Variants in BAG6 observed in about 807,000 individuals in gnomAD.
BAG6 encodes large proline-rich protein BAG6.
In BAG6, 22 loss-of-function variants were observed where a neutral mutation model predicts 121.0. The observed-to-expected ratio is 0.18, with a 90% confidence interval of 0.13 to 0.26. The LOEUF is 0.26. Ranked by LOEUF, BAG6 falls within the 10% of genes least tolerant of loss-of-function variation. BAG6 has a pLI of 1.00. For synonymous variants in BAG6, 583 were observed against 584.6 expected, an observed-to-expected ratio of 1.00 and a Z score of 0.04; for missense variants, 1,233 against 1,537.7, an observed-to-expected ratio of 0.80 and a Z score of 3.31.
At position 31,649,603 on chromosome 6, in the gene BAG6, G is replaced by A. The variant is rs142063948; in HGVS notation, c.133C>T (p.His45Tyr). 4.3e-6 allele frequency: 7 copies of A among 1,613,932 alleles called. No individual in the cohort carries two copies. In the African/African-American group the frequency reaches 6.7e-5, roughly 15 times the overall value. ...AQMNVKEFKE[H>Y]IAASVSIPSE... ...GGGATGCTGACAGAGGCAGCAATGTGCTCCTTAAACTCTTTTACATTCATC... is the reference window on the plus strand; with the variant it reads ...GGGATGCTGACAGAGGCAGCAATGTACTCCTTAAACTCTTTTACATTCATC... Residue 45 changes from histidine to tyrosine, a missense_variant, in exon 3 of 26, where the codon CAC becomes TAC. His to Tyr is a moderately conservative substitution (Grantham distance 83). Coordinates refer to ENST00000676615, the MANE Select transcript of BAG6 (RefSeq NM_001387994.1).
rs745997562 is a variant in BAG6, at chr6:31,640,992, T to C, written c.2788-54A>G. The C allele has an allele frequency of 3.7e-6, 6 of 1,602,514 alleles. No homozygotes were observed. The highest frequency in any genetic ancestry group is 1.3e-5 in the African/African-American group (1 of 74,380). On this transcript the variant is annotated intron_variant, in intron 20 of 25. Transcript: ENST00000676615. This position sits in a 1 kb window ranked among gnomAD's most constrained non-coding sequence, Gnocchi z 4.2. ...CAAAACCCTCAACCACCTTTAGAAA[T>C]AGATTAGATCCAGGTTACAGAATGT...
At chr6:31,642,802 G>A (rs1470503810) in intron 15 of BAG6, 27 bp downstream of exon 15, 10 of 1,605,606 alleles carry the variant, frequency 6.2e-6, no homozygotes, top group Non-Finnish European at 8.5e-6. Context: ...ACAGGAAGAT[G>A]AGGTGAATGG....
At chr6:31,645,236 T>C (rs756457450) in intron 9 of BAG6, 38 bp from the exon 10 acceptor site, 23 of 1,600,150 alleles carry the variant, frequency 1.4e-5, no homozygotes, top group Non-Finnish European at 2.0e-5. Context: ...GTGAGAAAAA[T>C]ACAAGAGCCT....
At chr6:31,645,710 T>G in intron 8 of BAG6, 106 bp from the exon 9 acceptor site, 1 of 1,371,778 alleles carries the variant, frequency 7.3e-7, no homozygotes, top group Non-Finnish European at 1.0e-6. Context: ...CCTCCAAAAC[T>G]TTCAGTTATA....
At chr6:31,639,318 T>G (rs907083755) in intron 25 of BAG6, 92 bp from the exon 26 acceptor site, 13 of 1,461,522 alleles carry the variant, frequency 8.9e-6, no homozygotes, top group Non-Finnish European at 1.2e-5. Context: ...AAGCTAACAT[T>G]TCCCCCCCCA....
Position 31,642,630 on chromosome 6 carries a change from TTAC to T in BAG6, c.2043+196_2043+198del, listed in dbSNP as rs1265705310. 7 of 716,136 alleles carry T rather than the reference TTAC, an allele frequency of 9.8e-6. No individual in the cohort carries two copies. In the African/African-American group the frequency reaches 1.1e-4, roughly 11 times the overall value. The allele number at this position is 716,136 out of a possible 1,614,324, so 44.4% of individuals were successfully genotyped here. ...GGCTGTCAGAAAGCAGTGACACTAA[TTAC>T]TATACTTTCTTTTTCTAAACCTCAT... On this transcript the variant is annotated intron_variant, in intron 15 of 25. Coordinates refer to ENST00000676615, the MANE Select transcript of BAG6 (RefSeq NM_001387994.1).
At position 31,644,983 on chromosome 6, in the gene BAG6, A is replaced by C; in HGVS notation, c.1332T>G (p.Ser444Arg). 3.7e-6 allele frequency: 6 copies of C among 1,603,548 alleles called. No individual in the cohort carries two copies. The highest frequency in any genetic ancestry group is 5.1e-6 in the Non-Finnish European group (6 of 1,174,608). The change falls in exon 10 of 26, where the codon AGT (serine) becomes AGG (arginine). Residue 444 changes from serine to arginine, a missense_variant. Physicochemically the swap from Ser to Arg is moderately radical, Grantham distance 110. Transcript: ENST00000676615. This position sits in a 1 kb window ranked among gnomAD's most constrained non-coding sequence, Gnocchi z 4.9. ...HPRVIRISHQ[S>R]VEPVVMMHMN... is the part of the protein sequence containing the mutation. ...TGTGCATCATGACCACGGGTTCCAC[A>C]CTCTGGTGGGAAATCCGGATGACCC...
Position 31,644,682 on chromosome 6 carries a change from T to C in BAG6, c.1370-80A>G. On this transcript the variant is annotated intron_variant, in intron 10 of 25. Transcript: ENST00000676615. The surrounding 1 kb of genome is among the most constrained non-coding windows in gnomAD (Gnocchi z 4.9). ...TATATCCTTCTGAGATCAGGCATAC[T>C]TCAGGCCCATAATCCCCCAATCAGA... The C allele has an allele frequency of 6.9e-7, 1 of 1,443,208 alleles. No homozygotes were observed. Among genetic ancestry groups the C allele is most frequent in the Non-Finnish European group, 9.7e-7 (1 of 1,035,656 alleles). 89.4% of individuals were successfully genotyped at this position (1,443,208 alleles called of 1,614,324 possible). A position where few individuals can be genotyped will look rare whatever the true frequency, so the allele number is the denominator to read the frequency against.
rs1781631674 is a variant in BAG6, at chr6:31,640,464, G to A, written c.3059C>T (p.Pro1020Leu). 6.2e-7 allele frequency: 1 copy of A among 1,613,446 alleles called. No individual in the cohort carries two copies. The highest frequency in any genetic ancestry group is 8.5e-7 in the Non-Finnish European group (1 of 1,180,044). ...ATCCCGGGAGCCCCCCTCAGGAGCAGGAGGTGGACCTCGGGACATGGCCTC... is the reference window on the plus strand; with the variant it reads ...ATCCCGGGAGCCCCCCTCAGGAGCAAGAGGTGGACCTCGGGACATGGCCTC... The part of the protein sequence containing the change: ...AEEAMSRGPP[P>L]APEGGSRDEQ... The change falls in exon 23 of 26, where the codon CCT becomes CTT. Residue 1020 changes from proline (P) to leucine (L), a missense_variant. By Grantham distance (98) the Pro-to-Leu change is moderately conservative. This residue lies in a region of BAG6 where 288 missense variants were observed against 483.1 expected (regional missense o/e 0.60). Transcript: ENST00000676615. The surrounding 1 kb of genome is among the most constrained non-coding windows in gnomAD (Gnocchi z 4.2).
Position 31,644,732 on chromosome 6 carries a change from A to C in BAG6, c.1370-130T>G, listed in dbSNP as rs1212547724. 6 of 1,249,396 alleles carry C rather than the reference A, an allele frequency of 4.8e-6. No homozygotes were observed. The highest frequency in any genetic ancestry group is 7.0e-6 in the Non-Finnish European group (6 of 862,940). The allele number at this position is 1,249,396 out of a possible 1,614,324, so 77.4% of individuals were successfully genotyped here. A position where few individuals can be genotyped will look rare whatever the true frequency, so the allele number is the denominator to read the frequency against. The stretch of plus-strand genomic sequence containing the variant: ...AAAGCCTGCCTTTCCCTCCATCTAA[A>C]CAGGGAGAGGTACTCCCTTCACCAC... On this transcript the variant is annotated intron_variant, in intron 10 of 25. Transcript: ENST00000676615. The surrounding 1 kb of genome is among the most constrained non-coding windows in gnomAD (Gnocchi z 4.9).
Position 31,648,719 on chromosome 6 carries a change from C to T in BAG6, c.510G>A (p.Gln170=). Residue 170 remains glutamine, a synonymous_variant, in exon 6 of 26, where the codon CAG becomes CAA. Transcript: ENST00000676615. ...SEPRVRLVMA[Q]HMIRDIQTLL... ...AGGTCTGTATATCCCTGATCATGTG[C>T]TGAGCCATCACCAGCCGTACCCGGG... 2 of 1,614,090 alleles carry T rather than the reference C, an allele frequency of 1.2e-6. No homozygotes were observed. Among genetic ancestry groups the T allele is most frequent in the Non-Finnish European group, 1.7e-6 (2 of 1,180,020 alleles).
At position 31,640,328 on chromosome 6, in the gene BAG6, A is replaced by G; in HGVS notation, c.3139-22T>C. ...ATTCCTGGGGAGGAAAAGAGAAAAT[A>G]GTAATGTCCTTGACTTTCAGCTGCC... On this transcript the variant is annotated intron_variant, in intron 23 of 25. Coordinates refer to ENST00000676615, the MANE Select transcript of BAG6 (RefSeq NM_001387994.1). The surrounding 1 kb of genome is among the most constrained non-coding windows in gnomAD (Gnocchi z 4.2). 1 of 1,614,174 alleles carries G rather than the reference A, an allele frequency of 6.2e-7. No individual in the cohort carries two copies. The highest frequency in any genetic ancestry group is 8.5e-7 in the Non-Finnish European group (1 of 1,180,020).
chr6:31,650,762 C>T (rs1400554681), intron 2 of BAG6, among the ~76,000 whole-genome samples: 4 of 152,028 alleles, frequency 2.6e-5, no homozygotes, highest in African/African-American at 9.7e-5. Flanking sequence ...AATCACAAGT[C>T]TATATATGGC....
In BAG6 at chr6:31,644,860, C is replaced by T; in HGVS notation, c.1369+86G>A. ...GCTACCACCACCAGCATGTGCCTCT[C>T]CCTTCCCCACCCTGTTCCCTCACAC... On this transcript the variant is annotated intron_variant, in intron 10 of 25. Transcript: ENST00000676615. The surrounding 1 kb of genome is among the most constrained non-coding windows in gnomAD (Gnocchi z 4.9). The T allele has an allele frequency of 6.6e-7, 1 of 1,526,238 alleles. No individual in the cohort carries two copies. The highest frequency in any genetic ancestry group is 8.8e-7 in the Non-Finnish European group (1 of 1,137,066). 94.5% of individuals were successfully genotyped at this position (1,526,238 alleles called of 1,614,324 possible). A position where few individuals can be genotyped will look rare whatever the true frequency, so the allele number is the denominator to read the frequency against.
Position 31,644,126 on chromosome 6 carries a change from C to T in BAG6, c.1624G>A (p.Ala542Thr), listed in dbSNP as rs1259023266. 1.9e-6 allele frequency: 3 copies of T among 1,614,028 alleles called. No individual in the cohort carries two copies. Among genetic ancestry groups the T allele is most frequent in the Non-Finnish European group, 2.5e-6 (3 of 1,179,958 alleles). The change falls in exon 13 of 26, where the codon GCT (alanine) becomes ACT (threonine). Residue 542 changes from alanine (A) to threonine (T), a missense_variant. Around this residue, in one of 7 missense-constraint regions of BAG6, gnomAD observed 777 missense variants for 861.4 expected, o/e 0.90. Coordinates refer to ENST00000676615, the MANE Select transcript of BAG6 (RefSeq NM_001387994.1). This position sits in a 1 kb window ranked among gnomAD's most constrained non-coding sequence, Gnocchi z 4.9. ...GGCCCTCCAGGATGGGAAGGCCGAGCCTGTGGAGGAGTGGGCCGGGCAATC... is the reference window on the plus strand; with the variant it reads ...GGCCCTCCAGGATGGGAAGGCCGAGTCTGTGGAGGAGTGGGCCGGGCAATC... ...VVIARPTPPQ[A>T]RPSHPGGPPV...
Position 31,643,045 on chromosome 6 carries a change from G to A in BAG6, c.1827C>T (p.Asn609=). ...GAGCGGGGCCAGCTGTGGTAGCTGT[G>A]TTGGTGGTGCCAGCACTGGCAGAAG... The part of the protein sequence containing the change: ...ATASASAGTT[N]TATTAGPAPG... The change falls in exon 15 of 26, where the codon AAC becomes AAT. Residue 609 remains asparagine (N), a synonymous_variant. Coordinates refer to ENST00000676615, the MANE Select transcript of BAG6 (RefSeq NM_001387994.1). 1 of 1,589,002 alleles carries A rather than the reference G, an allele frequency of 6.3e-7. No individual in the cohort carries two copies. Among genetic ancestry groups the A allele is most frequent in the Non-Finnish European group, 8.5e-7 (1 of 1,169,664 alleles).
chr6:31,639,670 GAA>G, intron 24 of BAG6, 24 bp from the exon 25 acceptor site: 1 of 1,590,458 alleles, frequency 6.3e-7, no homozygotes. Context: ...GGTTGGGAGG[GAA>G]AAGAGGATCA....
At chr6:31,651,797 G>T in intron 1 of BAG6, 21 bp from the exon 2 acceptor site, 1 of 1,594,964 alleles carries the variant, frequency 6.3e-7, no homozygotes, top group Non-Finnish European at 8.6e-7. Context: ...ACGAAGGAAG[G>T]AAGGCCCGCT....
In BAG6 at chr6:31,641,336, A is replaced by G. The variant is rs761958293; in HGVS notation, c.2646T>C (p.His882=). Residue 882 remains histidine, a synonymous_variant, in exon 19 of 26, where the codon CAT becomes CAC. Transcript: ENST00000676615. This position sits in a 1 kb window ranked among gnomAD's most constrained non-coding sequence, Gnocchi z 5.7. ...LQEQFNSIAA[H]VLHCTDSGFG... is the part of the protein sequence containing the mutation. ...GCCCCTGACCTGTGCAATGCAGCACATGCGCAGCAATGCTATTAAACTGCT... is the reference window on the plus strand; with the variant it reads ...GCCCCTGACCTGTGCAATGCAGCACGTGCGCAGCAATGCTATTAAACTGCT... The G allele has an allele frequency of 6.2e-7, 1 of 1,614,264 alleles. No individual in the cohort carries two copies. The highest frequency in any genetic ancestry group is 8.5e-7 in the Non-Finnish European group (1 of 1,180,050).
Sources: gnomAD v4.1 joint callset for allele counts (sites outside exome capture counted in the v4.1 genomes callset) on GRCh38, gnomAD v4.1.1 for gene constraint, gnomAD v4.1.1 regional missense constraint, Gnocchi (gnomAD v3.1) non-coding constraint, MANE v1.5 for transcripts, NCBI Gene and HGNC (gene_info 2026-07-23, HGNC 2026-07-21) for gene names.